The following SLC24A2 variants were observed in gnomAD, a reference collection of about 807,000 sequenced individuals.
SLC24A2 encodes the protein sodium/potassium/calcium exchanger 2.
SLC24A2 carries 36 observed loss-of-function variants against 62.0 expected under a neutral mutation model. That is an observed-to-expected ratio of 0.58 (90% CI 0.44 to 0.77). SLC24A2 has a LOEUF of 0.77. SLC24A2 is among the 30% of genes least tolerant of loss of function. The pLI is 0.00. For missense variants in SLC24A2, 846 were observed against 817.9 expected, an observed-to-expected ratio of 1.03 and a Z score of -0.42; for synonymous variants, 358 against 294.0, an observed-to-expected ratio of 1.22 and a Z score of -2.23.
chr9:19,692,856 C>T (rs559600894), intron 2 of SLC24A2, among the ~76,000 whole-genome samples: 61 of 152,234 alleles, frequency 4.0e-4, no homozygotes, highest in African/African-American at 1.5e-3. Context: ...GATTAATGAC[C>T]AAACGTTTAC....
chr9:19,661,368 C>A (rs1210668030), intron 2 of SLC24A2, among the ~76,000 whole-genome samples: 1 of 152,172 alleles, frequency 6.6e-6, no homozygotes, highest in Non-Finnish European at 1.5e-5. Context: ...TCATTGACAT[C>A]TCTGCATAAA....
intron 2 of SLC24A2, among the ~76,000 whole-genome samples, chr9:19,704,887 T>G (rs1445154959): frequency 1.3e-5 from 2 of 151,846 alleles, no homozygotes; most frequent in Non-Finnish European, 2.9e-5. Flanking sequence ...ACTTTCAGGA[T>G]GAAACAGATC....
chr9:19,860,815 G>A, the SLC24A2 span, among the ~76,000 whole-genome samples: 524 of 152,294 alleles, frequency 3.4e-3, 1 homozygote, highest in African/African-American at 0.012. Context: ...AATATTCATC[G>A]TGGGCCCGAG....
At chr9:19,842,222 T>C in the SLC24A2 span, among the ~76,000 whole-genome samples, 3 of 152,198 alleles carry the variant, frequency 2.0e-5, no homozygotes, top group African/African-American at 7.2e-5. Context: ...CTATCCATCA[T>C]CATGGATTTC....
At chr9:20,166,967 A>G in the SLC24A2 span, among the ~76,000 whole-genome samples, 1 of 152,014 alleles carries the variant, frequency 6.6e-6, no homozygotes, top group South Asian at 2.1e-4. Flanking sequence ...CAGCCTCCTG[A>G]GTAGCTGGGA....
the SLC24A2 span, among the ~76,000 whole-genome samples, chr9:19,876,140 A>G: frequency 6.6e-6 from 1 of 152,124 alleles, no homozygotes. Flanking sequence ...CTTCTTGAAT[A>G]TTTTTCAATT....
chr9:20,255,518 T>A, the SLC24A2 span, among the ~76,000 whole-genome samples: 1 of 152,314 alleles, frequency 6.6e-6, no homozygotes, highest in Admixed American at 6.5e-5. Context: ...GAGCAGCTCA[T>A]CTGAGGCAGG....
the SLC24A2 span, among the ~76,000 whole-genome samples, chr9:19,935,906 C>T: frequency 3.3e-5 from 5 of 151,924 alleles, no homozygotes; most frequent in African/African-American, 7.3e-5. Flanking sequence ...CAACAGGAGA[C>T]GAGGAGAAAA....
At chr9:19,775,053 T>A (rs746080433) in intron 2 of SLC24A2, among the ~76,000 whole-genome samples, 2 of 152,230 alleles carry the variant, frequency 1.3e-5, no homozygotes, top group Non-Finnish European at 2.9e-5. Flanking sequence ...GTGTCTGGGA[T>A]GAAAGGGACT....
the SLC24A2 span, among the ~76,000 whole-genome samples, chr9:20,285,151 G>A: frequency 1.7e-3 from 258 of 152,270 alleles, 2 homozygotes; most frequent in Non-Finnish European, 3.1e-3. Context: ...ATAGGTAGAA[G>A]CATCCCTGTT....
chr9:20,295,553 T>A, the SLC24A2 span, among the ~76,000 whole-genome samples: 2 of 152,190 alleles, frequency 1.3e-5, no homozygotes, highest in Non-Finnish European at 2.9e-5. Flanking sequence ...GGCAGGAAGA[T>A]GTGCCCTCAG....
the SLC24A2 span, among the ~76,000 whole-genome samples, chr9:20,091,561 GA>G: frequency 1.1e-3 from 156 of 146,362 alleles, 1 homozygote; most frequent in Middle Eastern, 0.01. Context: ...ATTCTTGAAG[GA>G]AAAAAAAAAA....
At chr9:19,706,147 T>C (rs1340041954) in intron 2 of SLC24A2, among the ~76,000 whole-genome samples, 1 of 151,638 alleles carries the variant, frequency 6.6e-6, no homozygotes. Context: ...TTTAGGATAG[T>C]TAGCTCTTCT....
chr9:20,115,426 A>G, the SLC24A2 span, among the ~76,000 whole-genome samples: 1 of 152,126 alleles, frequency 6.6e-6, no homozygotes, highest in Non-Finnish European at 1.5e-5. Flanking sequence ...TGTGGGGAGA[A>G]ACAAGGGAAA....
intron 2 of SLC24A2, among the ~76,000 whole-genome samples, chr9:19,623,890 C>G (rs1376367619): frequency 6.6e-6 from 1 of 152,130 alleles, no homozygotes; most frequent in Non-Finnish European, 1.5e-5. Context: ...CTGAGCACAG[C>G]CTGTGGGCAT....
At chr9:20,277,216 A>G in the SLC24A2 span, among the ~76,000 whole-genome samples, 1 of 152,216 alleles carries the variant, frequency 6.6e-6, no homozygotes, top group Non-Finnish European at 1.5e-5. Flanking sequence ...CAATGGCAAC[A>G]AAAGCCAAAA....
intron 5 of SLC24A2, among the ~76,000 whole-genome samples, chr9:19,582,640 C>T (rs1176846226): frequency 6.6e-6 from 1 of 152,110 alleles, no homozygotes; most frequent in Non-Finnish European, 1.5e-5. Context: ...TGCCAGGTAG[C>T]TTAAAAAGCA....
At chr9:19,964,037 C>T in the SLC24A2 span, among the ~76,000 whole-genome samples, 34 of 151,834 alleles carry the variant, frequency 2.2e-4, 1 homozygote, top group African/African-American at 7.2e-4. Context: ...TACTATGCAG[C>T]CATAAAAAAT....
At chr9:20,068,727 T>A in the SLC24A2 span, among the ~76,000 whole-genome samples, 1 of 152,136 alleles carries the variant, frequency 6.6e-6, no homozygotes. Context: ...AGGGGATTTG[T>A]TTCAACTGTC....
Sources: allele counts gnomAD v4.1 joint callset (sites outside exome capture counted in the v4.1 genomes callset), GRCh38; gene constraint gnomAD v4.1.1; transcripts MANE v1.5; gene names NCBI Gene and HGNC (gene_info 2026-07-23, HGNC 2026-07-21).